SYNE1: variants seen among roughly 807,000 people sequenced by gnomAD.
SYNE1 encodes nesprin-1.
In SYNE1, 616 loss-of-function variants were observed where a neutral mutation model predicts 1,111.0. The observed-to-expected ratio is 0.55, with a 90% CI of 0.52 to 0.59. The LOEUF (loss-of-function observed/expected upper bound fraction) is 0.59, where lower values mean the gene tolerates loss of function less well. Ranked by LOEUF, SYNE1 falls within the 20% of genes least tolerant of loss-of-function variation. The pLI, the probability that SYNE1 is intolerant of heterozygous loss-of-function variation, is 0.00. For missense variants in SYNE1, 10,006 were observed against 10,417.0 expected, an observed-to-expected ratio of 0.96 and a Z score of 1.72; for synonymous variants, 3,855 against 3,825.8, an observed-to-expected ratio of 1.01 and a Z score of -0.28.
chr6:152,464,952 T>C, intron 18 of SYNE1: 1 of 421,716 alleles, frequency 2.4e-6, no homozygotes, highest in Non-Finnish European at 4.4e-6. Context: ...GTTGTTTTCA[T>C]CCTCTCTTAA....
In SYNE1 at chr6:152,442,200, G is replaced by C. The variant is rs750865008; in HGVS notation, c.3883C>G (p.Gln1295Glu). 2.5e-6 allele frequency: 4 copies of C among 1,613,448 alleles called. No individual in the cohort carries two copies. The highest frequency in any genetic ancestry group is 3.4e-6 in the Non-Finnish European group (4 of 1,180,050). The change falls in exon 31 of 146, where the codon CAG becomes GAG. Residue 1295 changes from glutamine (Q) to glutamate (E), a missense_variant. Transcript: ENST00000367255. The stretch of plus-strand genomic sequence containing the variant: ...TCTCCCTGCTGCGCCTGCGCGATCT[G>C]CTGCTGCACATCTCTCTTCTTTGCT... The part of the protein sequence containing the change: ...ISAKKRDVQQ[Q>E]IAQAQQGEGG...
intron 3 of SYNE1, among the ~76,000 whole-genome samples, chr6:152,566,044 T>G (rs948552844): frequency 2.0e-5 from 3 of 152,178 alleles, no homozygotes; most frequent in African/African-American, 7.2e-5. Flanking sequence ...CTTGTAAACT[T>G]AGTTCCTTTA....
At position 152,310,830 on chromosome 6, in the gene SYNE1, G is replaced by A; in HGVS notation, c.16754C>T (p.Ala5585Val). The change falls in exon 88 of 146, where the codon GCA becomes GTA. Residue 5585 changes from alanine to valine, a missense_variant. By Grantham distance (64) the Ala-to-Val change is moderately conservative (BLOSUM62 0). Transcript: ENST00000367255. ...ESKEIDSELE[A>V]MTEKLQYLTS... ...GAGGTACTGTAATTTCTCAGTCATT[G>A]CTTCCAGCTCACTGTCAATTTCTTT... 3 of 1,614,030 alleles carry A rather than the reference G, an allele frequency of 1.9e-6. No individual in the cohort carries two copies. The highest frequency in any genetic ancestry group is 2.5e-6 in the Non-Finnish European group (3 of 1,180,002).
intron 128 of SYNE1, among the ~76,000 whole-genome samples, chr6:152,182,148 A>G (rs1435872631): frequency 6.6e-6 from 1 of 152,148 alleles, no homozygotes; most frequent in Non-Finnish European, 1.5e-5. Flanking sequence ...ATATATATAC[A>G]ATGGGCTTGT....
chr6:152,352,308 C>T lies in SYNE1; in HGVS notation c.11299G>A (p.Ala3767Thr). 1 of 1,614,172 alleles carries T rather than the reference C, an allele frequency of 6.2e-7. No homozygotes were observed. Among genetic ancestry groups the T allele is most frequent in the Non-Finnish European group, 8.5e-7 (1 of 1,180,034 alleles). Residue 3767 changes from alanine (A) to threonine (T), a missense_variant, in exon 70 of 146, where the codon GCC becomes ACC. Coordinates refer to ENST00000367255, the MANE Select transcript of SYNE1 (RefSeq NM_182961.4). ...MEKGHSLLKS[A>T]REKGERAVKY... ...ACAGCCCTCTCTCCTTTCTCCCGGG[C>T]TGATTTCAGCAAACTGTGACCTTTC...
chr6:152,143,972 C>T, intron 137 of SYNE1: 2 of 667,480 alleles, frequency 3.0e-6, no homozygotes, highest in Non-Finnish European at 5.1e-6. Flanking sequence ...GACTGAGAGC[C>T]CTAGCAGATC....
At chr6:152,327,087 G>A (rs986760017) in intron 78 of SYNE1, among the ~76,000 whole-genome samples, 11 of 152,278 alleles carry the variant, frequency 7.2e-5, no homozygotes, top group African/African-American at 2.6e-4. Flanking sequence ...GAGGCCAGGA[G>A]TTTGAGACCA....
chr6:152,148,447 C>T lies in SYNE1; in HGVS notation c.24643-69G>A. On this transcript the variant is annotated intron_variant, in intron 136 of 145. Transcript: ENST00000367255. This position sits in a 1 kb window ranked among gnomAD's most constrained non-coding sequence, Gnocchi z 4.1. ...CTAGCTTCTTATCTGGGCCACCTGCCTACCATGTGGGGACAATTTTTAACT... is the reference window on the plus strand; with the variant it reads ...CTAGCTTCTTATCTGGGCCACCTGCTTACCATGTGGGGACAATTTTTAACT... The T allele has an allele frequency of 1.4e-6, 2 of 1,458,218 alleles. No individual in the cohort carries two copies. The highest frequency in any genetic ancestry group is 1.9e-6 in the Non-Finnish European group (2 of 1,058,830). The allele number at this position is 1,458,218 out of a possible 1,614,324, so 90.3% of individuals were successfully genotyped here.
In SYNE1 at chr6:152,369,074, C is replaced by A. The variant is rs777734905; in HGVS notation, c.9705G>T (p.Glu3235Asp). ...CYEPQLNRLK[E>D]KAQQLWEGQA... ...GTCCTTCCCACAGCTGCTGAGCTTT[C>A]TCTTTCAGCCTGTTGAGCTGAGGCT... is the stretch of plus-strand genomic sequence containing the variant. Residue 3235 changes from glutamate (E) to aspartate (D), a missense_variant, in exon 61 of 146, where the codon GAG becomes GAT. This residue lies in a region of SYNE1 where 4,955 missense variants were observed against 5,017.2 expected (regional missense o/e 0.99). Transcript: ENST00000367255. 5 of 1,614,046 alleles carry A rather than the reference C, an allele frequency of 3.1e-6. No individual in the cohort carries two copies. In the African/African-American group the frequency reaches 6.7e-5, roughly 22 times the overall value.
At chr6:152,467,272 A>G (rs1199856602) in intron 16 of SYNE1, among the ~76,000 whole-genome samples, 2 of 152,102 alleles carry the variant, frequency 1.3e-5, no homozygotes, top group Non-Finnish European at 2.9e-5. Context: ...AAAGTCAGAC[A>G]ATAGTATTCT....
At chr6:152,515,523 T>TAGAAAACC (rs1594447239) in intron 6 of SYNE1, among the ~76,000 whole-genome samples, 1 of 152,228 alleles carries the variant, frequency 6.6e-6, no homozygotes, top group East Asian at 1.9e-4. Context: ...CTTTGTAAAT[T>TAGAAAACC]AGAAAACCAG....
At chr6:152,629,061 G>C (rs139873766) in intron 2 of SYNE1, among the ~76,000 whole-genome samples, 5 of 152,266 alleles carry the variant, frequency 3.3e-5, no homozygotes, top group Non-Finnish European at 7.3e-5. Flanking sequence ...CTAAAAATTT[G>C]AGTTTCAAGT....
intron 59 of SYNE1, among the ~76,000 whole-genome samples, chr6:152,372,437 C>T (rs374345101): frequency 6.6e-6 from 1 of 152,102 alleles, no homozygotes; most frequent in African/African-American, 2.4e-5. Flanking sequence ...GGAAAAGATA[C>T]CCTCTATGCC....
At chr6:152,465,552 G>A in intron 17 of SYNE1, 92 bp from the exon 18 acceptor site, 1 of 1,155,054 alleles carries the variant, frequency 8.7e-7, no homozygotes, top group Non-Finnish European at 1.3e-6. Flanking sequence ...GTGTGCAATA[G>A]TATCCATCAC....
In SYNE1 at chr6:152,330,270, A is replaced by C. The variant is rs1457397916; in HGVS notation, c.14415T>G (p.Asn4805Lys). Reference sequence around the variant, plus strand: ...TCTCCTCTGCAGGCAGCGTTTCCTCATTCACTTTGGACTGCTCCTCTTTTA... The same window carrying C: ...TCTCCTCTGCAGGCAGCGTTTCCTCCTTCACTTTGGACTGCTCCTCTTTTA... Reference protein sequence around the residue: ...KSVKEEQSKVNEETLPAEEKL... With the variant: ...KSVKEEQSKVKEETLPAEEKL... The change falls in exon 78 of 146, where the codon AAT becomes AAG. Residue 4805 changes from asparagine (N) to lysine (K), a missense_variant. Asn to Lys is a moderately conservative substitution (Grantham distance 94, BLOSUM62 0). Coordinates refer to ENST00000367255, the MANE Select transcript of SYNE1 (RefSeq NM_182961.4). The C allele has an allele frequency of 6.2e-6, 10 of 1,614,104 alleles. No individual in the cohort carries two copies. The highest frequency in any genetic ancestry group is 8.5e-6 in the Non-Finnish European group (10 of 1,180,022).
rs1478104166 is a variant in SYNE1, at chr6:152,351,502, T to C, written c.11580+525A>G. ...TTTGAGTGGGTGAAGTACCTGTGTC[T>C]ATGTCATGTATAGCTATAGCCACAT... On this transcript the variant is annotated intron_variant, in intron 70 of 145. Transcript: ENST00000367255. 2.0e-5 allele frequency among the ~76,000 whole-genome samples: 3 copies of C among 152,254 alleles called. No homozygotes were observed. The East Asian group carries it at 5.8e-4, about 29-fold the overall frequency.
intron 105 of SYNE1, among the ~76,000 whole-genome samples, chr6:152,247,750 T>TAC (rs61420132): frequency 0.16 from 17,843 of 112,120 alleles, 1,664 homozygotes; most frequent in East Asian, 0.23. Flanking sequence ...TATATATATA[T>TAC]ACACACACAC....
At chr6:152,359,879 A>G (rs1344045435) in intron 64 of SYNE1, among the ~76,000 whole-genome samples, 1 of 151,536 alleles carries the variant, frequency 6.6e-6, no homozygotes, top group Non-Finnish European at 1.5e-5. Context: ...GAACATGGGA[A>G]TTGTTCCAGC....
chr6:152,214,738 C>T (rs536479251), intron 122 of SYNE1, among the ~76,000 whole-genome samples, 168 bp downstream of exon 122: 193 of 152,346 alleles, frequency 1.3e-3, no homozygotes, highest in African/African-American at 4.4e-3. Context: ...CCTCACCAGA[C>T]AACTGAATCT....
Sources: allele counts gnomAD v4.1 joint callset (sites outside exome capture counted in the v4.1 genomes callset), GRCh38; gene constraint gnomAD v4.1.1; regional missense constraint gnomAD v4.1.1; non-coding constraint Gnocchi (gnomAD v3.1); transcripts MANE v1.5; gene names NCBI Gene and HGNC (gene_info 2026-07-23, HGNC 2026-07-21).